Variants in TET1 observed in about 807,000 individuals in gnomAD.
TET1 encodes the protein methylcytosine dioxygenase TET1.
TET1 carries 13 observed loss-of-function variants against 148.7 expected under a neutral mutation model. That is an observed-to-expected ratio of 0.09 (90% CI 0.06 to 0.14). The LOEUF (loss-of-function observed/expected upper bound fraction) is 0.14, where lower values mean the gene tolerates loss of function less well. Among genes scored for constraint, TET1 ranks in the 10% least tolerant of loss-of-function variants. TET1 has a pLI of 1.00. For missense variants in TET1, 2,182 were observed against 2,553.8 expected, an observed-to-expected ratio of 0.85 and a Z score of 3.14; for synonymous variants, 907 against 937.2, an observed-to-expected ratio of 0.97 and a Z score of 0.59.
Position 68,573,886 on chromosome 10 carries a change from A to G in TET1, c.1548A>G (p.Pro516=). 4 of 1,614,166 alleles carry G rather than the reference A, an allele frequency of 2.5e-6. 1 individual carries two copies. The highest frequency in any genetic ancestry group is 3.4e-6 in the Non-Finnish European group (4 of 1,180,022). ...TGCCAGCTAACACTCAGGGGTTCCC[A>G]TTAGCCCCTGAGAGAGGACTCTTCC... ...SFLPANTQGF[P]LAPERGLFHA... is the part of the protein sequence containing the mutation. The change falls in exon 2 of 12, where the codon CCA becomes CCG. Residue 516 remains proline, a synonymous_variant. Coordinates refer to ENST00000373644, the MANE Select transcript of TET1 (RefSeq NM_030625.3).
In TET1 at chr10:68,644,781, A is replaced by G; in HGVS notation, c.2052A>G (p.Lys684=). The change falls in exon 4 of 12, where the codon AAA becomes AAG. Residue 684 remains lysine (K), a synonymous_variant. Coordinates refer to ENST00000373644, the MANE Select transcript of TET1 (RefSeq NM_030625.3). ...GATGTGGTCATGGGGAAGAACAAAA[A>G]TTGGAATTGAACCCACATACTGTTG... The part of the protein sequence containing the change: ...YSRCGHGEEQ[K]LELNPHTVEN... 6.2e-7 allele frequency: 1 copy of G among 1,613,706 alleles called. No individual in the cohort carries two copies. Among genetic ancestry groups the G allele is most frequent in the Non-Finnish European group, 8.5e-7 (1 of 1,179,902 alleles).
intron 3 of TET1, among the ~76,000 whole-genome samples, chr10:68,625,038 T>TGAACATG (rs1304986195): frequency 6.6e-6 from 1 of 152,160 alleles, no homozygotes; most frequent in Non-Finnish European, 1.5e-5. Flanking sequence ...CCGGCTTCTT[T>TGAACATG]TTCTTACTGT....
intron 3 of TET1, among the ~76,000 whole-genome samples, chr10:68,603,989 C>T (rs2054091147): frequency 6.6e-6 from 1 of 152,162 alleles, no homozygotes; most frequent in Admixed American, 6.5e-5. Flanking sequence ...ACTTCCTATT[C>T]AAGCCTATTG....
Position 68,605,116 on chromosome 10 carries a change from C to A in TET1, c.1968+4082C>A, listed in dbSNP as rs540312191. Among the ~76,000 whole-genome samples the A allele has an allele frequency of 2.0e-5, 3 of 152,302 alleles. No individual in the cohort carries two copies. In the South Asian group the frequency reaches 6.2e-4, roughly 32 times the overall value. On this transcript the variant is annotated intron_variant, in intron 3 of 11. Transcript: ENST00000373644. Reference sequence around the variant, plus strand: ...AAAGGCAAAATGAAAACTAAGGGATCTTCCTGCAGGGTTCAGCACTGACTT... The same window carrying A: ...AAAGGCAAAATGAAAACTAAGGGATATTCCTGCAGGGTTCAGCACTGACTT...
intron 6 of TET1, among the ~76,000 whole-genome samples, chr10:68,665,995 C>G (rs73262427): frequency 6.2e-4 from 95 of 152,164 alleles, no homozygotes; most frequent in African/African-American, 2.1e-3. Context: ...CATGGATGGG[C>G]GTTTTCATCA....
intron 6 of TET1, among the ~76,000 whole-genome samples, chr10:68,663,161 T>G (rs2055146609): frequency 6.6e-6 from 1 of 152,156 alleles, no homozygotes; most frequent in African/African-American, 2.4e-5. Flanking sequence ...AAAACAAATT[T>G]TCCTGACATG....
At chr10:68,627,511 G>A (rs1029214269) in intron 3 of TET1, among the ~76,000 whole-genome samples, 9 of 151,992 alleles carry the variant, frequency 5.9e-5, no homozygotes, top group East Asian at 5.8e-4. Context: ...TAGGAGAATC[G>A]CTTGAACCCG....
chr10:68,621,234 CTTG>C (rs368908630), intron 3 of TET1, among the ~76,000 whole-genome samples: 62 of 151,880 alleles, frequency 4.1e-4, no homozygotes, highest in Admixed American at 2.7e-3. Context: ...CTAGGTGTTT[CTTG>C]TTGTTGTTGT....
intron 4 of TET1, among the ~76,000 whole-genome samples, chr10:68,649,496 A>C (rs1341794065): frequency 6.6e-6 from 1 of 151,770 alleles, no homozygotes. Flanking sequence ...AGTCCCAGCT[A>C]CTTGGGAGGC....
At position 68,676,157 on chromosome 10, in the gene TET1, TTGTGTGTG is replaced by T. The variant is rs112413582; in HGVS notation, c.4824+3134_4824+3141del. ...GGTGTGAGCCACAGCACCTGGCCTT[TTGTGTGTG>T]TGTGTGTGTGTGTGTGTGTGTATAC... On this transcript the variant is annotated intron_variant, in intron 8 of 11. Transcript: ENST00000373644. Among the ~76,000 whole-genome samples the T allele has an allele frequency of 1.6e-3, 204 of 129,222 alleles. 1 individual carries two copies. Among genetic ancestry groups the T allele is most frequent in the African/African-American group, 5.6e-3 (190 of 33,892 alleles). The allele number at this position is 129,222 out of a possible 152,430, so 84.8% of individuals were successfully genotyped here. A position where few individuals can be genotyped will look rare whatever the true frequency, so the allele number is the denominator to read the frequency against.
At chr10:68,624,578 C>G (rs1411775048) in intron 3 of TET1, among the ~76,000 whole-genome samples, 1 of 150,004 alleles carries the variant, frequency 6.7e-6, no homozygotes. Context: ...CGTGAGCCAC[C>G]GTGCCTGGCC....
chr10:68,576,916 AT>A (rs149710241), intron 2 of TET1, among the ~76,000 whole-genome samples: 2,674 of 143,580 alleles, frequency 0.019, 77 homozygotes, highest in African/African-American at 0.063. Context: ...TAATTTTTGT[AT>A]TTTTTTTTTT....
At chr10:68,568,540 C>T (rs2053632006) in intron 1 of TET1, among the ~76,000 whole-genome samples, 1 of 152,096 alleles carries the variant, frequency 6.6e-6, no homozygotes, top group Admixed American at 6.6e-5. Flanking sequence ...AGTGCCAGGC[C>T]GATGCTGTGA....
At chr10:68,591,769 G>T (rs573616793) in intron 2 of TET1, among the ~76,000 whole-genome samples, 2 of 152,164 alleles carry the variant, frequency 1.3e-5, no homozygotes, top group South Asian at 4.1e-4. Context: ...TGGGCGTGGT[G>T]GTGGGCACCT....
chr10:68,596,465 T>A (rs1341870088), intron 2 of TET1, among the ~76,000 whole-genome samples: 1 of 152,180 alleles, frequency 6.6e-6, no homozygotes, highest in Non-Finnish European at 1.5e-5. Flanking sequence ...TATTTAATTT[T>A]TTTTGTAGAG....
At chr10:68,628,012 G>T (rs1027159402) in intron 3 of TET1, among the ~76,000 whole-genome samples, 10 of 151,930 alleles carry the variant, frequency 6.6e-5, no homozygotes, top group Admixed American at 1.3e-4. Flanking sequence ...TATTATTTTT[G>T]GGGGGGACAG....
At chr10:68,590,020 C>T (rs1406840267) in intron 2 of TET1, among the ~76,000 whole-genome samples, 2 of 152,142 alleles carry the variant, frequency 1.3e-5, no homozygotes, top group East Asian at 3.9e-4. Context: ...ACATGGTTTA[C>T]GTGTACACTG....
intron 3 of TET1, among the ~76,000 whole-genome samples, chr10:68,642,388 C>T (rs1453862660): frequency 6.6e-6 from 1 of 151,904 alleles, no homozygotes; most frequent in African/African-American, 2.4e-5. Flanking sequence ...GAGCCGTTAT[C>T]GTGCCACTGC....
chr10:68,672,609 T>A (rs1395076948), intron 7 of TET1, among the ~76,000 whole-genome samples: 1 of 151,668 alleles, frequency 6.6e-6, no homozygotes, highest in Non-Finnish European at 1.5e-5. Context: ...ATCTGTATAG[T>A]TTATTCCCAC....
Sources: gnomAD v4.1 joint callset for allele counts (sites outside exome capture counted in the v4.1 genomes callset) on GRCh38, gnomAD v4.1.1 for gene constraint, MANE v1.5 for transcripts, NCBI Gene and HGNC (gene_info 2026-07-23, HGNC 2026-07-21) for gene names.